ELAC2: variants seen among roughly 807,000 people sequenced by gnomAD.
The protein encoded by ELAC2 is elaC ribonuclease Z 2.
Under a neutral mutation model 105.2 loss-of-function variants are expected in ELAC2, and 92 were observed. The observed-to-expected ratio is 0.87, with a 90% CI of 0.74 to 1.04. The LOEUF (loss-of-function observed/expected upper bound fraction) is 1.04. Among genes scored for constraint, ELAC2 ranks in the 50% least tolerant of loss-of-function variants. ELAC2 has a pLI of 0.00. For synonymous variants in ELAC2, 468 were observed against 409.1 expected, an observed-to-expected ratio of 1.14 and a Z score of -1.74; for missense variants, 1,099 against 1,071.7, an observed-to-expected ratio of 1.03 and a Z score of -0.36.
At chr17:13,003,699 C>A (rs1247680526) in intron 11 of ELAC2, 125 bp from the exon 12 acceptor site, 2 of 814,680 alleles carry the variant, frequency 2.5e-6, no homozygotes, top group Non-Finnish European at 4.1e-6. Context: ...ACAGCCTCCA[C>A]GCCCAGGCCA....
In ELAC2 at chr17:13,018,026, A is replaced by C; in HGVS notation, c.-79T>G. ...CCCGTGCACCACCTAGCCGCTCCGC[A>C]TGGCGGATCCAGCCAATCAGCGCGC... On this transcript the variant is annotated 5_prime_UTR_variant, in exon 1 of 24. The change abolishes an upstream ATG in the 5' untranslated region. Transcript: ENST00000338034. The C allele has an allele frequency of 1.3e-6, 2 of 1,529,890 alleles. No individual in the cohort carries two copies. Among genetic ancestry groups the C allele is most frequent in the South Asian group, 1.2e-5 (1 of 83,376 alleles). The allele number at this position is 1,529,890 out of a possible 1,614,324, so 94.8% of individuals were successfully genotyped here. A position where few individuals can be genotyped will look rare whatever the true frequency, so the allele number is the denominator to read the frequency against.
At chr17:12,993,882 C>T in intron 22 of ELAC2, 51 bp from the exon 23 acceptor site, 1 of 1,612,958 alleles carries the variant, frequency 6.2e-7, no homozygotes, top group Non-Finnish European at 8.5e-7. Flanking sequence ...TGCAAGACTG[C>T]AAAGCAGACA....
Position 13,017,954 on chromosome 17 carries a change from G to A in ELAC2, c.-7C>T, listed in dbSNP as rs1165772516. 3.3e-6 allele frequency: 5 copies of A among 1,536,070 alleles called. No homozygotes were observed. The highest frequency in any genetic ancestry group is 1.2e-5 in the South Asian group (1 of 83,912). On this transcript the variant is annotated 5_prime_UTR_variant, in exon 1 of 24. In the 5' UTR this introduces an upstream ATG that the reference lacks. Coordinates refer to ENST00000338034, the MANE Select transcript of ELAC2 (RefSeq NM_018127.7). ...GCGAGCAAAGCGCCCACATGCGCCC[G>A]TCTCCACCAAAACTGAGAAAGCCGC...
chr17:13,017,951 C>A lies in ELAC2; in HGVS notation c.-4G>T, dbSNP rs751953085. ...GCAGCGAGCAAAGCGCCCACATGCG[C>A]CCGTCTCCACCAAAACTGAGAAAGC... On this transcript the variant is annotated 5_prime_UTR_variant, in exon 1 of 24. Transcript: ENST00000338034. 4.6e-6 allele frequency: 7 copies of A among 1,536,152 alleles called. No individual in the cohort carries two copies. In the African/African-American group the frequency reaches 8.2e-5, roughly 18 times the overall value.
chr17:12,995,647 T>C, intron 19 of ELAC2, 56 bp downstream of exon 19: 1 of 1,530,988 alleles, frequency 6.5e-7, no homozygotes, highest in East Asian at 2.4e-5. Context: ...CTTGAGCTTC[T>C]GAAGGAGACG....
At chr17:13,016,704 C>A (rs1228925246) in intron 3 of ELAC2, among the ~76,000 whole-genome samples, 158 bp downstream of exon 3, 1 of 134,472 alleles carries the variant, frequency 7.4e-6, no homozygotes, top group Non-Finnish European at 1.5e-5. Context: ...CACCTGAGCC[C>A]AGAAGGCAAA....
At chr17:13,015,716 GA>G in intron 4 of ELAC2, 51 bp downstream of exon 4, 1 of 1,492,246 alleles carries the variant, frequency 6.7e-7, no homozygotes, top group South Asian at 1.1e-5. Flanking sequence ...TCTTGTTACT[GA>G]TATTACAAAA....
rs766731755 is a variant in ELAC2 at position 13,017,723 on chromosome 17, G to A, written c.225C>T (p.Tyr75=). ...CTGACCGGTTGAACTCGGAGAAGAC[G>A]TAGAGCGCGGCGCCCGAGTCCCGGC... ...AGSRDSGAAL[Y]VFSEFNRYLF... is the part of the protein sequence containing the mutation. Residue 75 remains tyrosine, a synonymous_variant, in exon 1 of 24, where the codon TAC becomes TAT. Transcript: ENST00000338034. The A allele has an allele frequency of 1.2e-6, 2 of 1,612,868 alleles. No individual in the cohort carries two copies. Among genetic ancestry groups the A allele is most frequent in the African/African-American group, 1.3e-5 (1 of 75,050 alleles).
At chr17:13,011,003 T>C (rs1437111145) in intron 7 of ELAC2, among the ~76,000 whole-genome samples, 2 of 152,166 alleles carry the variant, frequency 1.3e-5, no homozygotes, top group African/African-American at 2.4e-5. Context: ...ATATAATATA[T>C]GAAATAACAC....
Position 13,016,919 on chromosome 17 carries a change from G to T in ELAC2, c.310C>A (p.Arg104Ser), listed in dbSNP as rs748205884. The change falls in exon 3 of 24, where the codon CGC becomes AGC. Residue 104 changes from arginine to serine, a missense_variant. By Grantham distance (110) the Arg-to-Ser change is moderately radical. Coordinates refer to ENST00000338034, the MANE Select transcript of ELAC2 (RefSeq NM_018127.7). ...CGTGTCAGGAATATGTTGTCCAGGC[G>T]AGCAACCTTTAACCTAAGAATGAAA... ...LMQEHKLKVA[R>S]LDNIFLTRMH... 1.9e-6 allele frequency: 3 copies of T among 1,614,042 alleles called. No individual in the cohort carries two copies. Among genetic ancestry groups the T allele is most frequent in the Non-Finnish European group, 2.5e-6 (3 of 1,180,014 alleles).
In ELAC2 at chr17:12,994,784, C is replaced by G. The variant is rs2040383512; in HGVS notation, c.2009G>C (p.Cys670Ser). The G allele has an allele frequency of 6.2e-7, 1 of 1,613,626 alleles. No homozygotes were observed. Among genetic ancestry groups the G allele is most frequent in the Non-Finnish European group, 8.5e-7 (1 of 1,179,816 alleles). The change falls in exon 21 of 24, where the codon TGC becomes TCC. Residue 670 changes from cysteine (C) to serine (S), a missense_variant. Coordinates refer to ENST00000338034, the MANE Select transcript of ELAC2 (RefSeq NM_018127.7). ...CTCACCCATCCGGACCAGAGCCTCG[C>G]AGGGCATGGTGTCCCCGGAATAGAC... is the stretch of plus-strand genomic sequence containing the variant. ...KVVYSGDTMP[C>S]EALVRMGKDA... is the part of the protein sequence containing the mutation.
intron 1 of ELAC2, 150 bp downstream of exon 1, chr17:13,017,553 G>A: frequency 7.1e-7 from 1 of 1,406,322 alleles, no homozygotes; most frequent in Non-Finnish European, 9.6e-7. Context: ...AAGAATCTCG[G>A]ATTTCCCACC....
chr17:13,010,524 G>T, intron 8 of ELAC2, 89 bp downstream of exon 8: 1 of 1,194,828 alleles, frequency 8.4e-7, no homozygotes, highest in Non-Finnish European at 1.2e-6. Flanking sequence ...TAACAGGAGT[G>T]CCTACCCTCA....
intron 3 of ELAC2, 36 bp downstream of exon 3, chr17:13,016,826 C>T (rs962887288): frequency 6.2e-7 from 1 of 1,601,446 alleles, no homozygotes; most frequent in Non-Finnish European, 8.6e-7. Flanking sequence ...CCAGAGACTT[C>T]CCACCAGCCT....
chr17:12,992,741 C>A lies in ELAC2; in HGVS notation c.*77G>T. ...GGGGACCGTGCTCTTCAGCTTCTAC[C>A]AGCAAGGAGGGCAGATACGGGTGCG... On this transcript the variant is annotated 3_prime_UTR_variant, in exon 24 of 24. Transcript: ENST00000338034. 1 of 1,560,928 alleles carries A rather than the reference C, an allele frequency of 6.4e-7. No homozygotes were observed. The highest frequency in any genetic ancestry group is 1.1e-5 in the South Asian group (1 of 89,172).
rs895214427 is a variant in ELAC2, at chr17:12,994,700, A to T, written c.2029+64T>A. On this transcript the variant is annotated intron_variant, in intron 21 of 23. Coordinates refer to ENST00000338034, the MANE Select transcript of ELAC2 (RefSeq NM_018127.7). ...GACGTTTCCCTGCAAGCCCACCTGC[A>T]TTCACCTCCAGCTACACAAACCCCA... 4 of 1,612,296 alleles carry T rather than the reference A, an allele frequency of 2.5e-6. No homozygotes were observed. In the African/African-American group the frequency reaches 5.3e-5, roughly 22 times the overall value.
rs376498988 is a variant in ELAC2, at chr17:13,016,872, C to T, written c.357G>A (p.Gly119=). ...AAAGAATATACTCACCACTTAAGCC[C>T]CCAACATTAGACCAGTGCATTCGTG... ...FLTRMHWSNV[G]GLSGMILTLK... Residue 119 remains glycine (G), a synonymous_variant, in exon 3 of 24, where the codon GGG becomes GGA. Transcript: ENST00000338034. 2 of 1,614,022 alleles carry T rather than the reference C, an allele frequency of 1.2e-6. No homozygotes were observed. The highest frequency in any genetic ancestry group is 2.7e-5 in the African/African-American group (2 of 74,896).
At chr17:12,998,291 G>A (rs556225781) in intron 16 of ELAC2, 121 bp downstream of exon 16, 9 of 974,796 alleles carry the variant, frequency 9.2e-6, no homozygotes, top group Admixed American at 5.6e-5. Context: ...CACTCCAGTC[G>A]ACATGACAAG....
chr17:13,009,859 C>T (rs191318857), intron 8 of ELAC2, among the ~76,000 whole-genome samples: 40 of 151,994 alleles, frequency 2.6e-4, no homozygotes, highest in East Asian at 9.7e-4. Flanking sequence ...TGTGGTGGCG[C>T]GCACCTATAA....
Sources: gnomAD v4.1 joint callset for allele counts (sites outside exome capture counted in the v4.1 genomes callset) on GRCh38, gnomAD v4.1.1 for gene constraint, MANE v1.5 for transcripts, NCBI Gene and HGNC (gene_info 2026-07-23, HGNC 2026-07-21) for gene names.